The following CAMTA1 variants were observed in gnomAD, a reference collection of about 807,000 sequenced individuals.
CAMTA1 encodes calmodulin-binding transcription activator 1.
CAMTA1 carries 27 observed loss-of-function variants against 170.9 expected under a neutral mutation model. The observed-to-expected ratio is 0.16, with a 90% CI of 0.12 to 0.22. The LOEUF (loss-of-function observed/expected upper bound fraction) is 0.22. Among genes scored for constraint, CAMTA1 ranks in the 10% least tolerant of loss-of-function variants. The pLI, the probability that CAMTA1 is intolerant of heterozygous loss-of-function variation, is 1.00. For synonymous variants in CAMTA1, 833 were observed against 891.5 expected (o/e 0.93, Z 1.17); for missense variants, 1,619 against 2,217.2 (o/e 0.73, Z 5.42).
intron 5 of CAMTA1, among the ~76,000 whole-genome samples, chr1:7,403,169 A>G (rs948164997): frequency 6.6e-6 from 1 of 152,092 alleles, no homozygotes; most frequent in Non-Finnish European, 1.5e-5. Context: ...CCTGCCCAAC[A>G]TGGCAAAACC....
At chr1:7,176,351 C>T (rs894309902) in intron 4 of CAMTA1, among the ~76,000 whole-genome samples, 18 of 152,160 alleles carry the variant, frequency 1.2e-4, no homozygotes, top group Non-Finnish European at 2.1e-4. Flanking sequence ...TAACCAGAAG[C>T]CCTGGGTGAC....
intron 5 of CAMTA1, among the ~76,000 whole-genome samples, chr1:7,379,004 G>A (rs919467604): frequency 4.6e-4 from 70 of 152,264 alleles, no homozygotes; most frequent in Admixed American, 2.2e-3. Context: ...TGGCCTGTGC[G>A]CCTCAGGGTG....
chr1:6,940,961 G>GGGGAGGGGGATCCT (rs1686479775), intron 3 of CAMTA1, among the ~76,000 whole-genome samples: 2 of 34,780 alleles, frequency 5.8e-5, no homozygotes, highest in Non-Finnish European at 1.2e-4. Flanking sequence ...GGGGATCCTT[G>GGGGAGGGGGATCCT]CAAGGTGGGG....
chr1:7,622,483 A>G (rs2095605497), intron 6 of CAMTA1, among the ~76,000 whole-genome samples: 1 of 152,206 alleles, frequency 6.6e-6, no homozygotes. Context: ...AAAACAGCTG[A>G]CTTCATTATA....
At chr1:6,855,412 T>A (rs1003772099) in intron 3 of CAMTA1, among the ~76,000 whole-genome samples, 37 of 151,428 alleles carry the variant, frequency 2.4e-4, no homozygotes, top group African/African-American at 8.3e-4. Flanking sequence ...CTTACAATCA[T>A]GGCAGAAGGA....
At chr1:7,324,172 T>A (rs1678914715) in intron 5 of CAMTA1, among the ~76,000 whole-genome samples, 1 of 152,242 alleles carries the variant, frequency 6.6e-6, no homozygotes, top group South Asian at 2.1e-4. Flanking sequence ...TTTAAGGCTA[T>A]ATTGTTGGGT....
chr1:7,533,915 C>A (rs540776837), intron 6 of CAMTA1, among the ~76,000 whole-genome samples: 402 of 151,738 alleles, frequency 2.6e-3, no homozygotes, highest in African/African-American at 6.9e-3. Flanking sequence ...CCTTGTCCCC[C>A]CAAAAAAAAA....
At chr1:6,899,612 A>C (rs571794974) in intron 3 of CAMTA1, among the ~76,000 whole-genome samples, 1 of 151,674 alleles carries the variant, frequency 6.6e-6, no homozygotes, top group South Asian at 2.1e-4. Flanking sequence ...ACTATCTCAT[A>C]ATAAAGTTGT....
chr1:6,818,311 T>G (rs11120771), intron 1 of CAMTA1, among the ~76,000 whole-genome samples: 12,723 of 152,274 alleles, frequency 0.084, 828 homozygotes, highest in East Asian at 0.27. Context: ...CACTCCAGTC[T>G]GGGCAACAGA....
At chr1:7,346,815 G>C (rs1465611934) in intron 5 of CAMTA1, among the ~76,000 whole-genome samples, 1 of 152,140 alleles carries the variant, frequency 6.6e-6, no homozygotes, top group African/African-American at 2.4e-5. Flanking sequence ...CCCCAGCAGA[G>C]ACCAGCCCCA....
intron 6 of CAMTA1, among the ~76,000 whole-genome samples, chr1:7,539,715 C>T (rs2094587376): frequency 6.6e-6 from 1 of 152,238 alleles, no homozygotes; most frequent in Non-Finnish European, 1.5e-5. Flanking sequence ...GTCTGCCCAC[C>T]TCCAAGATCT....
At chr1:6,921,953 C>T (rs1303708259) in intron 3 of CAMTA1, among the ~76,000 whole-genome samples, 1 of 152,154 alleles carries the variant, frequency 6.6e-6, no homozygotes, top group Non-Finnish European at 1.5e-5. Context: ...GGATGGCCAA[C>T]TTCTGATTTG....
chr1:7,145,884 C>T (rs1453478837), intron 4 of CAMTA1, among the ~76,000 whole-genome samples: 2 of 152,152 alleles, frequency 1.3e-5, no homozygotes, highest in Non-Finnish European at 2.9e-5. Flanking sequence ...TTTTAAAAAA[C>T]GTAATCCTGG....
At chr1:7,637,538 C>G (rs2095722859) in intron 6 of CAMTA1, among the ~76,000 whole-genome samples, 1 of 152,080 alleles carries the variant, frequency 6.6e-6, no homozygotes, top group African/African-American at 2.4e-5. Context: ...GCCGTTACCC[C>G]CTCCATGCAA....
chr1:6,939,067 C>T (rs1685959099), intron 3 of CAMTA1, among the ~76,000 whole-genome samples: 1 of 152,162 alleles, frequency 6.6e-6, no homozygotes, highest in Non-Finnish European at 1.5e-5. Context: ...TGGGAAAACT[C>T]AGGGAGTTGC....
At chr1:7,362,314 G>T (rs2085599134) in intron 5 of CAMTA1, among the ~76,000 whole-genome samples, 1 of 151,962 alleles carries the variant, frequency 6.6e-6, no homozygotes, top group African/African-American at 2.4e-5. Flanking sequence ...GTGAACTTGG[G>T]TAGAACTGGT....
intron 22 of CAMTA1, among the ~76,000 whole-genome samples, chr1:7,761,981 T>C (rs570534535): frequency 3.5e-4 from 53 of 152,192 alleles, no homozygotes; most frequent in Non-Finnish European, 5.3e-4. Context: ...TTAGATCCCC[T>C]GTCTAGACAA....
chr1:7,076,504 CTTCTT>C (rs1250613226), intron 3 of CAMTA1, among the ~76,000 whole-genome samples: 1 of 152,148 alleles, frequency 6.6e-6, no homozygotes, highest in Non-Finnish European at 1.5e-5. Context: ...TAAGATATCT[CTTCTT>C]TTCTTTCTAA....
At chr1:7,364,710 G>A (rs1405252019) in intron 5 of CAMTA1, among the ~76,000 whole-genome samples, 2 of 152,094 alleles carry the variant, frequency 1.3e-5, no homozygotes, top group Non-Finnish European at 2.9e-5. Context: ...TTTCTGGGCA[G>A]TGGGAGAGGG....
Sources: allele counts gnomAD v4.1 joint callset (sites outside exome capture counted in the v4.1 genomes callset), GRCh38; gene constraint gnomAD v4.1.1; transcripts MANE v1.5; gene names NCBI Gene and HGNC (gene_info 2026-07-23, HGNC 2026-07-21).